CYTH1: variants seen among roughly 807,000 people sequenced by gnomAD.
CYTH1 encodes cytohesin-1.
In CYTH1, 18 loss-of-function variants were observed where a neutral mutation model predicts 61.8. The ratio of observed to expected loss-of-function variants is 0.29; its 90% CI spans 0.20 to 0.43. The LOEUF is 0.43. Ranked by LOEUF, CYTH1 falls within the 20% of genes least tolerant of loss-of-function variation. CYTH1 has a pLI of 1.00. For synonymous variants in CYTH1, 174 were observed against 184.3 expected (o/e 0.94, Z 0.45); for missense variants, 336 against 510.5 (o/e 0.66, Z 3.29).
At chr17:78,779,936 T>TA (rs1480588523) in intron 1 of CYTH1, among the ~76,000 whole-genome samples, 3 of 152,240 alleles carry the variant, frequency 2.0e-5, no homozygotes, top group Non-Finnish European at 4.4e-5. Context: ...TGCTTCCACT[T>TA]ACCTCTTTCA....
intron 1 of CYTH1, among the ~76,000 whole-genome samples, chr17:78,771,472 C>G (rs1299444632): frequency 6.6e-6 from 1 of 151,190 alleles, no homozygotes; most frequent in Non-Finnish European, 1.5e-5. Flanking sequence ...GTGGCTCACA[C>G]CTGTAATCCC....
At chr17:78,733,007 A>G (rs976949579) in intron 1 of CYTH1, among the ~76,000 whole-genome samples, 2 of 140,182 alleles carry the variant, frequency 1.4e-5, no homozygotes, top group Non-Finnish European at 3.1e-5. Flanking sequence ...GAATCACTTG[A>G]ACCCGGGAGG....
intron 1 of CYTH1, among the ~76,000 whole-genome samples, chr17:78,725,051 T>TC (rs1159360167): frequency 6.6e-6 from 1 of 152,186 alleles, no homozygotes; most frequent in Non-Finnish European, 1.5e-5. Context: ...TGGGCCCCTG[T>TC]CTTCCTCCTT....
At chr17:78,781,844 T>C (rs2093519589) in intron 1 of CYTH1, among the ~76,000 whole-genome samples, 1 of 149,142 alleles carries the variant, frequency 6.7e-6, no homozygotes, top group African/African-American at 2.5e-5. Flanking sequence ...ACGACTCTCA[T>C]CCCTCAGAGC....
chr17:78,731,762 AAAAAAAAAAC>A lies in CYTH1; in HGVS notation c.23-22040_23-22031del, dbSNP rs1295520620. On this transcript the variant is annotated intron_variant, in intron 1 of 13. Transcript: ENST00000446868. ...GACAGCGAGACTCCGTCTCAAAAAA[AAAAAAAAAAC>A]AAAAAAAAACAAATAAAAAGGAAAT... Among the ~76,000 whole-genome samples, 25 of 151,862 alleles carry A rather than the reference AAAAAAAAAAC, an allele frequency of 1.6e-4. 1 individual carries two copies. Among genetic ancestry groups the A allele is most frequent in the South Asian group, 4.2e-4 (2 of 4,814 alleles).
At chr17:78,711,989 G>A (rs1337605556) in intron 1 of CYTH1, among the ~76,000 whole-genome samples, 4 of 151,826 alleles carry the variant, frequency 2.6e-5, no homozygotes, top group Non-Finnish European at 4.4e-5. Context: ...TGACGTAGAA[G>A]GATTGCTTGA....
chr17:78,752,844 A>G (rs911609337), intron 1 of CYTH1, among the ~76,000 whole-genome samples: 8 of 152,206 alleles, frequency 5.3e-5, no homozygotes, highest in Admixed American at 2.0e-4. Flanking sequence ...GATACTGAAA[A>G]TGTTAAAATG....
intron 1 of CYTH1, among the ~76,000 whole-genome samples, chr17:78,762,059 AT>A (rs1426129633): frequency 5.9e-5 from 9 of 152,236 alleles, no homozygotes; most frequent in Non-Finnish European, 1.2e-4. Flanking sequence ...TAATTACCAA[AT>A]AATGTTGTGC....
chr17:78,775,179 C>T (rs1008016545), intron 1 of CYTH1, among the ~76,000 whole-genome samples: 29 of 152,214 alleles, frequency 1.9e-4, no homozygotes, highest in African/African-American at 6.5e-4. Context: ...ACACCTAACC[C>T]GGCACAGAAA....
At chr17:78,722,760 C>T (rs1552173) in intron 1 of CYTH1, among the ~76,000 whole-genome samples, 78,114 of 151,946 alleles carry the variant, frequency 0.51, 20,199 homozygotes, top group Non-Finnish European at 0.54. Context: ...TAGCATTAAA[C>T]GCGACGTACA....
At chr17:78,764,547 GA>G (rs1459957026) in intron 1 of CYTH1, among the ~76,000 whole-genome samples, 2 of 152,110 alleles carry the variant, frequency 1.3e-5, no homozygotes, top group Non-Finnish European at 2.9e-5. Context: ...CAACAGTGAG[GA>G]ACTCACTAAC....
chr17:78,741,158 A>G (rs1359032619), intron 1 of CYTH1, among the ~76,000 whole-genome samples: 1 of 152,244 alleles, frequency 6.6e-6, no homozygotes, highest in Non-Finnish European at 1.5e-5. Context: ...TTTTTAATTA[A>G]TAAATCCCTT....
chr17:78,732,371 A>C (rs1315910770), intron 1 of CYTH1, among the ~76,000 whole-genome samples: 1 of 152,216 alleles, frequency 6.6e-6, no homozygotes, highest in Admixed American at 6.5e-5. Flanking sequence ...CAGATAATGG[A>C]TAAGGGTCAG....
chr17:78,754,178 C>T (rs756518889), intron 1 of CYTH1, among the ~76,000 whole-genome samples: 10 of 152,118 alleles, frequency 6.6e-5, no homozygotes, highest in East Asian at 1.9e-4. Flanking sequence ...GAAAGGCATG[C>T]GTGTGATGCT....
At chr17:78,702,702 G>A in intron 3 of CYTH1, 98 bp from the exon 4 acceptor site, 1 of 1,307,248 alleles carries the variant, frequency 7.6e-7, no homozygotes, top group Non-Finnish European at 1.1e-6. Context: ...GTTTTTGAAA[G>A]ATTTATCCAG....
chr17:78,775,360 T>C (rs942160421), intron 1 of CYTH1, among the ~76,000 whole-genome samples: 1 of 152,162 alleles, frequency 6.6e-6, no homozygotes, highest in East Asian at 1.9e-4. Context: ...TTCCCTTATA[T>C]CCTTCCCTCA....
chr17:78,778,634 T>C (rs1458235673), intron 1 of CYTH1, among the ~76,000 whole-genome samples: 44 of 71,884 alleles, frequency 6.1e-4, no homozygotes, highest in Middle Eastern at 0.017. Flanking sequence ...TGAGACTCCA[T>C]CTCAAAAAAA....
chr17:78,677,022 G>A (rs2092707461), intron 13 of CYTH1: 1 of 456,082 alleles, frequency 2.2e-6, no homozygotes, highest in Admixed American at 2.3e-5. Flanking sequence ...ACCAGCAGCT[G>A]CTATGGCTCT....
chr17:78,778,494 C>T (rs146799354), intron 1 of CYTH1, among the ~76,000 whole-genome samples: 3 of 151,374 alleles, frequency 2.0e-5, no homozygotes, highest in Non-Finnish European at 2.9e-5. Flanking sequence ...AAAAATCAGC[C>T]GGGTGTGGTG....
Sources: allele counts gnomAD v4.1 joint callset (sites outside exome capture counted in the v4.1 genomes callset), GRCh38; gene constraint gnomAD v4.1.1; transcripts MANE v1.5; gene names NCBI Gene and HGNC (gene_info 2026-07-23, HGNC 2026-07-21).